KHDRBS2: variants seen among roughly 807,000 people sequenced by gnomAD.
KHDRBS2 encodes KH RNA binding domain containing, signal transduction associated 2.
KHDRBS2 carries 26 observed loss-of-function variants against 44.3 expected under a neutral mutation model. The observed-to-expected ratio is 0.59, with a 90% CI of 0.43 to 0.81. KHDRBS2 has a LOEUF of 0.81. Among genes scored for constraint, KHDRBS2 ranks in the 40% least tolerant of loss-of-function variants. The probability of loss-of-function intolerance (pLI) is 0.00; values close to 1 mark genes in which losing one functional copy is unlikely to be tolerated. For missense variants in KHDRBS2, 476 were observed against 433.1 expected (o/e 1.10, Z -0.88); for synonymous variants, 194 against 151.1 (o/e 1.28, Z -2.08).
intron 6 of KHDRBS2, among the ~76,000 whole-genome samples, chr6:61,884,883 G>C (rs551291934): frequency 2.0e-5 from 3 of 152,094 alleles, no homozygotes; most frequent in African/African-American, 7.2e-5. Context: ...TATAAATGTT[G>C]CCATTATTTT....
intron 2 of KHDRBS2, among the ~76,000 whole-genome samples, chr6:62,055,079 A>G (rs1292813497): frequency 6.6e-6 from 1 of 152,046 alleles, no homozygotes; most frequent in African/African-American, 2.4e-5. Context: ...TTTTAAAATG[A>G]TGAAAATACA....
At chr6:61,554,565 G>A in the KHDRBS2 span, among the ~76,000 whole-genome samples, 1 of 152,002 alleles carries the variant, frequency 6.6e-6, no homozygotes, top group Non-Finnish European at 1.5e-5. Flanking sequence ...TTGTTAGTGG[G>A]TTATTATGCA....
rs569487276 is a variant in KHDRBS2 at position 61,869,597 on chromosome 6, C to T, written c.810+25038G>A. ...CAAGATGGTAAAATAGGAACAGCTC[C>T]GGTCTGCAGCTCCCAGCGAGATTGA... On this transcript the variant is annotated intron_variant, in intron 6 of 8. Transcript: ENST00000281156. Among the ~76,000 whole-genome samples the T allele has an allele frequency of 3.3e-4, 50 of 152,172 alleles. 1 individual carries two copies. The highest frequency in any genetic ancestry group is 3.7e-4 in the Non-Finnish European group (25 of 68,012).
intron 6 of KHDRBS2, among the ~76,000 whole-genome samples, chr6:61,812,393 A>G (rs369354194): frequency 5.6e-4 from 86 of 152,214 alleles, no homozygotes; most frequent in African/African-American, 1.9e-3. Context: ...CTCCAAAGAC[A>G]ATGCTTATTA....
At chr6:62,166,297 A>C (rs1331776658) in intron 2 of KHDRBS2, among the ~76,000 whole-genome samples, 2 of 151,988 alleles carry the variant, frequency 1.3e-5, no homozygotes, top group African/African-American at 4.8e-5. Flanking sequence ...CTAATGCTCA[A>C]CACTTGGTAA....
intron 4 of KHDRBS2, among the ~76,000 whole-genome samples, chr6:61,907,871 C>T (rs1283421290): frequency 6.6e-6 from 1 of 152,144 alleles, no homozygotes; most frequent in Non-Finnish European, 1.5e-5. Flanking sequence ...TTATTTGTTG[C>T]ATGTGTTGCT....
At chr6:62,088,276 C>G (rs774668334) in intron 2 of KHDRBS2, among the ~76,000 whole-genome samples, 1 of 152,162 alleles carries the variant, frequency 6.6e-6, no homozygotes, top group African/African-American at 2.4e-5. Context: ...GGAGAAGAGG[C>G]ATTCTGGCTT....
intron 6 of KHDRBS2, among the ~76,000 whole-genome samples, chr6:61,865,533 C>A (rs1416886678): frequency 4.6e-5 from 7 of 151,794 alleles, no homozygotes; most frequent in African/African-American, 1.7e-4. Context: ...CACCATGATT[C>A]AATTACTTCC....
At chr6:62,103,911 A>G (rs1258113348) in intron 2 of KHDRBS2, among the ~76,000 whole-genome samples, 1 of 152,242 alleles carries the variant, frequency 6.6e-6, no homozygotes, top group Non-Finnish European at 1.5e-5. Context: ...TTTTAGACAC[A>G]AAAGCAGAAA....
intron 2 of KHDRBS2, among the ~76,000 whole-genome samples, chr6:62,107,453 C>T (rs1347720174): frequency 6.6e-6 from 1 of 152,114 alleles, no homozygotes; most frequent in Admixed American, 6.6e-5. Context: ...AGGATACAAA[C>T]AAACGAAAGA....
intron 6 of KHDRBS2, among the ~76,000 whole-genome samples, chr6:61,886,945 T>C (rs2127323898): frequency 6.6e-6 from 1 of 152,278 alleles, no homozygotes; most frequent in Middle Eastern, 3.4e-3. Context: ...TACTGGGAGA[T>C]GTCCTAAGTA....
Position 61,980,829 on chromosome 6 carries a change from C to G in KHDRBS2, c.337-2617G>C, listed in dbSNP as rs527413094. 6.0e-4 allele frequency among the ~76,000 whole-genome samples: 91 copies of G among 152,308 alleles called. 3 individuals carry two copies. In the South Asian group the frequency reaches 0.019, roughly 31 times the overall value. ...AATATTCTTTTCTGATTAGCTATTG[C>G]AGAACTTAAGCCAGTTTCAGCCAGC... is the stretch of plus-strand genomic sequence containing the variant. On this transcript the variant is annotated intron_variant, in intron 3 of 8. Transcript: ENST00000281156.
At chr6:61,994,719 AG>A (rs1176037295) in intron 3 of KHDRBS2, among the ~76,000 whole-genome samples, 1 of 152,168 alleles carries the variant, frequency 6.6e-6, no homozygotes, top group East Asian at 1.9e-4. Context: ...CATTCAGCAA[AG>A]TTTACTGAGT....
intron 1 of KHDRBS2, among the ~76,000 whole-genome samples, chr6:62,188,473 T>C (rs968787006): frequency 6.6e-6 from 1 of 152,036 alleles, no homozygotes; most frequent in African/African-American, 2.4e-5. Flanking sequence ...TGGAAATAAA[T>C]GTTGTGAAAA....
rs377337826 is a variant in KHDRBS2 at position 61,751,952 on chromosome 6, T to G, written c.811-19188A>C. On this transcript the variant is annotated intron_variant, in intron 6 of 8. Coordinates refer to ENST00000281156, the MANE Select transcript of KHDRBS2 (RefSeq NM_152688.4). ...CTGTGTACACACTTCTCTGTGTGTG[T>G]GTGTGTGTCATAATCTCCTCTTCTT... 2.2e-3 allele frequency among the ~76,000 whole-genome samples: 340 copies of G among 152,030 alleles called. 2 individuals carry two copies. Among genetic ancestry groups the G allele is most frequent in the African/African-American group, 8.0e-3 (331 of 41,482 alleles).
intron 2 of KHDRBS2, among the ~76,000 whole-genome samples, chr6:62,099,015 G>T (rs1461517418): frequency 1.3e-5 from 2 of 151,936 alleles, no homozygotes; most frequent in Admixed American, 1.3e-4. Context: ...TCTTTGTTCA[G>T]GTTTTTCTGA....
chr6:61,610,318 G>A, the KHDRBS2 span, among the ~76,000 whole-genome samples: 4 of 152,122 alleles, frequency 2.6e-5, no homozygotes, highest in South Asian at 6.2e-4. Flanking sequence ...TTTTAAAAGA[G>A]ATTTGCTTCA....
At chr6:61,619,772 G>T in the KHDRBS2 span, among the ~76,000 whole-genome samples, 3 of 151,956 alleles carry the variant, frequency 2.0e-5, no homozygotes, top group Non-Finnish European at 2.9e-5. Context: ...TTTAATGGCT[G>T]AGTAGTATTC....
chr6:61,982,477 C>G (rs1199091342), intron 3 of KHDRBS2, among the ~76,000 whole-genome samples: 3 of 151,968 alleles, frequency 2.0e-5, no homozygotes, highest in African/African-American at 7.3e-5. Context: ...CGAGACCATC[C>G]TGGCTAACAC....
Sources: gnomAD v4.1 joint callset for allele counts (sites outside exome capture counted in the v4.1 genomes callset) on GRCh38, gnomAD v4.1.1 for gene constraint, MANE v1.5 for transcripts, NCBI Gene and HGNC (gene_info 2026-07-23, HGNC 2026-07-21) for gene names.